CLDN10: variants seen among roughly 807,000 people sequenced by gnomAD.
CLDN10 encodes the protein claudin 10.
CLDN10 carries 15 observed loss-of-function variants against 22.9 expected under a neutral mutation model. That is an observed-to-expected ratio of 0.65 (90% CI 0.44 to 1.01). The LOEUF (loss-of-function observed/expected upper bound fraction) is 1.01, where lower values mean the gene tolerates loss of function less well. Among genes scored for constraint, CLDN10 ranks in the 50% least tolerant of loss-of-function variants. CLDN10 has a pLI of 0.00. For synonymous variants in CLDN10, 114 were observed against 111.4 expected (o/e 1.02, Z -0.15); for missense variants, 247 against 287.8 (o/e 0.86, Z 1.03).
intron 1 of CLDN10, among the ~76,000 whole-genome samples, chr13:95,438,117 G>A (rs2042289255): frequency 1.3e-5 from 2 of 152,288 alleles, no homozygotes; most frequent in African/African-American, 2.4e-5. Context: ...GCAGTGGCAC[G>A]ATCATGGCTC....
intron 1 of CLDN10, among the ~76,000 whole-genome samples, chr13:95,524,507 A>G (rs1566316602): frequency 6.6e-6 from 1 of 152,208 alleles, no homozygotes; most frequent in Non-Finnish European, 1.5e-5. Context: ...TTTCGGTTAA[A>G]TGATATTCCA....
chr13:95,517,953 A>AAAAG (rs1555295127), intron 1 of CLDN10, among the ~76,000 whole-genome samples: 2 of 127,282 alleles, frequency 1.6e-5, no homozygotes, highest in African/African-American at 3.1e-5. Context: ...AAAAAAAAAA[A>AAAAG]AGAGAGATTG....
intron 1 of CLDN10, among the ~76,000 whole-genome samples, chr13:95,480,215 C>A (rs1161218084): frequency 6.6e-6 from 1 of 152,198 alleles, no homozygotes; most frequent in African/African-American, 2.4e-5. Flanking sequence ...TTACCTCCCA[C>A]CGGGTCCCTC....
At chr13:95,553,047 C>T in intron 1 of CLDN10, 74 bp downstream of exon 1, 5 of 1,559,964 alleles carry the variant, frequency 3.2e-6, no homozygotes, top group Non-Finnish European at 4.3e-6. Context: ...CTCTCGCCCC[C>T]AATACCCCCA....
At chr13:95,526,754 T>G (rs2043285473) in intron 1 of CLDN10, among the ~76,000 whole-genome samples, 1 of 151,822 alleles carries the variant, frequency 6.6e-6, no homozygotes, top group Admixed American at 6.6e-5. Context: ...GTCACTGCAC[T>G]CCAGCCTGGG....
At chr13:95,501,171 G>A (rs1347978466) in intron 1 of CLDN10, among the ~76,000 whole-genome samples, 2 of 151,860 alleles carry the variant, frequency 1.3e-5, no homozygotes, top group South Asian at 2.1e-4. Context: ...ATGCCACCAC[G>A]CCTCGCTAAT....
Position 95,579,469 on chromosome 13 carries a change from T to A in CLDN10, c.*1455T>A, listed in dbSNP as rs967522960. ...CATCCTGCATTTACAGAAAAAGAAA[T>A]GAAAACAGAGAGCTTAAATAATTTG... On this transcript the variant is annotated 3_prime_UTR_variant, in exon 5 of 5. Transcript: ENST00000299339. 2 of 152,172 alleles carry A rather than the reference T, an allele frequency of 1.3e-5. No individual in the cohort carries two copies. Among genetic ancestry groups the A allele is most frequent in the African/African-American group, 4.8e-5 (2 of 41,458 alleles). The allele number at this position is 152,172 out of a possible 1,614,324, so 9.4% of individuals were successfully genotyped here.
intron 1 of CLDN10, among the ~76,000 whole-genome samples, chr13:95,457,655 T>C (rs2139085365): frequency 6.6e-6 from 1 of 152,184 alleles, no homozygotes; most frequent in Middle Eastern, 3.4e-3. Context: ...TGACCCTCAG[T>C]TTCGCTGGGG....
At chr13:95,439,371 G>A (rs1187668481) in intron 1 of CLDN10, among the ~76,000 whole-genome samples, 4 of 150,150 alleles carry the variant, frequency 2.7e-5, no homozygotes, top group Non-Finnish European at 5.9e-5. Context: ...TTGAGACTGA[G>A]TCTTGTTCTA....
At chr13:95,459,081 C>G (rs754483966) in intron 1 of CLDN10, among the ~76,000 whole-genome samples, 12 of 152,224 alleles carry the variant, frequency 7.9e-5, no homozygotes, top group Non-Finnish European at 1.6e-4. Context: ...GACGCCATGT[C>G]CTACATCCAG....
rs199690103 is a variant in CLDN10, at chr13:95,579,082, C to T, written c.*1068C>T. The stretch of plus-strand genomic sequence containing the variant: ...GCATGTGGGAGTTATTTATATCCTA[C>T]TGCTCAAGGTCATCGCCAAGGTGTG... On this transcript the variant is annotated 3_prime_UTR_variant, in exon 5 of 5. Transcript: ENST00000299339. 2.6e-5 allele frequency: 4 copies of T among 152,326 alleles called. No individual in the cohort carries two copies. In the East Asian group the frequency reaches 7.7e-4, roughly 29 times the overall value. The allele number at this position is 152,326 out of a possible 1,614,324, so 9.4% of individuals were successfully genotyped here.
chr13:95,523,971 G>A (rs2138589893), intron 1 of CLDN10, among the ~76,000 whole-genome samples: 1 of 152,168 alleles, frequency 6.6e-6, no homozygotes, highest in Admixed American at 6.5e-5. Flanking sequence ...CTGGTCTACT[G>A]AATATAGAAT....
In CLDN10 at chr13:95,461,678, C is replaced by T. The variant is rs372200330; in HGVS notation, c.214+27631C>T. ...CTTTGAGATAAAACAACTTCAGCTT[C>T]CTCAACCAAATTCCTGATGACAGTT... On this transcript the variant is annotated intron_variant, in intron 1 of 4. Transcript: ENST00000376873. Among the ~76,000 whole-genome samples, 11 of 152,310 alleles carry T rather than the reference C, an allele frequency of 7.2e-5. No individual in the cohort carries two copies. The East Asian group carries it at 1.9e-3, about 27-fold the overall frequency.
chr13:95,558,437 T>G (rs2043664888), intron 1 of CLDN10, among the ~76,000 whole-genome samples: 1 of 152,238 alleles, frequency 6.6e-6, no homozygotes, highest in Non-Finnish European at 1.5e-5. Context: ...TTGCTGTTTT[T>G]GATAGCCACG....
intron 1 of CLDN10, among the ~76,000 whole-genome samples, chr13:95,486,552 T>C (rs1387656980): frequency 6.7e-6 from 1 of 149,574 alleles, no homozygotes; most frequent in Non-Finnish European, 1.5e-5. Context: ...AAGATGCAAT[T>C]GGCAGAAGTA....
At chr13:95,459,654 T>G (rs1267831070) in intron 1 of CLDN10, among the ~76,000 whole-genome samples, 8 of 152,208 alleles carry the variant, frequency 5.3e-5, no homozygotes. Flanking sequence ...AAACCAGTTT[T>G]TCCTCCTAGG....
intron 1 of CLDN10, among the ~76,000 whole-genome samples, chr13:95,488,683 A>C (rs1254634424): frequency 6.6e-6 from 1 of 152,190 alleles, no homozygotes; most frequent in Non-Finnish European, 1.5e-5. Flanking sequence ...GGTCACTGCA[A>C]ACACTGATAA....
intron 1 of CLDN10, among the ~76,000 whole-genome samples, chr13:95,537,571 G>T (rs1355630751): frequency 4.6e-5 from 7 of 152,204 alleles, no homozygotes; most frequent in African/African-American, 1.7e-4. Flanking sequence ...TTTTTTCAAT[G>T]GTAGTAATAT....
At chr13:95,479,918 C>G (rs2042725801) in intron 1 of CLDN10, 1 of 152,262 alleles carries the variant, frequency 6.6e-6, no homozygotes, top group South Asian at 2.1e-4. Context: ...TCTGGTTCCT[C>G]CAAGCTCCCC....
Sources: allele counts gnomAD v4.1 joint callset (sites outside exome capture counted in the v4.1 genomes callset), GRCh38; gene constraint gnomAD v4.1.1; transcripts MANE v1.5; gene names NCBI Gene and HGNC (gene_info 2026-07-23, HGNC 2026-07-21).